The following GLT8D2 variants were observed in gnomAD, a reference collection of about 807,000 sequenced individuals.
GLT8D2 encodes the protein glycosyltransferase 8 domain-containing protein 2.
Under a neutral mutation model 44.5 loss-of-function variants are expected in GLT8D2, and 45 were observed. The ratio of observed to expected loss-of-function variants is 1.01; its 90% CI spans 0.80 to 1.30. The LOEUF is 1.30. Among genes scored for constraint, GLT8D2 ranks in the 50% most tolerant of loss-of-function variants. GLT8D2 has a pLI of 0.00. For missense variants in GLT8D2, 400 were observed against 430.4 expected, an observed-to-expected ratio of 0.93 and a Z score of 0.62; for synonymous variants, 156 against 157.2, an observed-to-expected ratio of 0.99 and a Z score of 0.06.
chr12:103,989,848 A>G (rs1395269050), intron 10 of GLT8D2, among the ~76,000 whole-genome samples: 1 of 152,038 alleles, frequency 6.6e-6, no homozygotes, highest in African/African-American at 2.4e-5. Flanking sequence ...TTGCCTTTAA[A>G]AAAAAATTAT....
chr12:104,003,255 A>G lies in GLT8D2; in HGVS notation c.164T>C (p.Ile55Thr). ...ACCCATCCTCCCTGCTGCAGCACAA[A>G]TCACCACAGGAATCTCTTCTTCCAG... ...EELEEEIPVV[I>T]CAAAGRMGAT... is the part of the protein sequence containing the mutation. The change falls in exon 5 of 11, where the codon ATT becomes ACT. Residue 55 changes from isoleucine to threonine, a missense_variant. Transcript: ENST00000360814. The G allele has an allele frequency of 6.2e-7, 1 of 1,614,124 alleles. No homozygotes were observed. Among genetic ancestry groups the G allele is most frequent in the Non-Finnish European group, 8.5e-7 (1 of 1,180,004 alleles).
At chr12:104,027,899 T>C (rs913322208) in intron 1 of GLT8D2, among the ~76,000 whole-genome samples, 3 of 152,186 alleles carry the variant, frequency 2.0e-5, no homozygotes, top group Non-Finnish European at 4.4e-5. Flanking sequence ...GTTAGGAGAA[T>C]TGGGGTCCAG....
rs1879992406 is a variant in GLT8D2 at position 104,037,035 on chromosome 12, A to AAACCG, written c.-164+12855_-164+12859dup. On this transcript the variant is annotated intron_variant, in intron 1 of 10. Transcript: ENST00000360814. ...CACTCAAAACCGCACAACTACATGG[A>AAACCG]AACCGAACAACCTGCTCCTGAAGGA... 2.6e-5 allele frequency among the ~76,000 whole-genome samples: 4 copies of AAACCG among 152,336 alleles called. No individual in the cohort carries two copies. The South Asian group carries it at 8.3e-4, about 32-fold the overall frequency.
In GLT8D2 at chr12:104,003,134, C is replaced by A. The variant is rs750427192; in HGVS notation, c.284+1G>T. 6.2e-7 allele frequency: 1 copy of A among 1,612,992 alleles called. No individual in the cohort carries two copies. The highest frequency in any genetic ancestry group is 8.5e-7 in the Non-Finnish European group (1 of 1,179,166). ...GCCAAAGTCTGTAAGACATAACTTA[C>A]CGTATTCGAGTCAGAGTATTCCGGA... On this transcript the variant is annotated splice_donor_variant, in intron 5 of 10. Transcript: ENST00000360814. LOFTEE classifies it high-confidence loss of function.
chr12:103,994,415 A>T lies in GLT8D2; in HGVS notation c.687T>A (p.Gly229=). Reference sequence around the variant, plus strand: ...ATTCTGTCATGTTGGCAACAATCACACCAGGATTGAAAGAGCAGGTGCTGG... The same window carrying T: ...ATTCTGTCATGTTGGCAACAATCACTCCAGGATTGAAAGAGCAGGTGCTGG... ...ISPSTCSFNP[G]VIVANMTEWK... is the part of the protein sequence containing the mutation. Residue 229 remains glycine, a synonymous_variant, in exon 9 of 11, where the codon GGT becomes GGA. Transcript: ENST00000360814. 4.3e-6 allele frequency: 7 copies of T among 1,614,088 alleles called. No homozygotes were observed. The highest frequency in any genetic ancestry group is 5.9e-6 in the Non-Finnish European group (7 of 1,179,976).
intron 1 of GLT8D2, among the ~76,000 whole-genome samples, chr12:104,056,097 C>A (rs1882164831): frequency 6.6e-6 from 1 of 152,216 alleles, no homozygotes; most frequent in African/African-American, 2.4e-5. Context: ...GCCCAGTTCC[C>A]TGTTCTGGCA....
chr12:104,048,718 C>T (rs924276057), intron 1 of GLT8D2, among the ~76,000 whole-genome samples: 1 of 152,180 alleles, frequency 6.6e-6, no homozygotes, highest in African/African-American at 2.4e-5. Flanking sequence ...GAACCATGGT[C>T]AAAAGCAGAG....
In GLT8D2 at chr12:104,034,587, G is replaced by A. The variant is rs560778052; in HGVS notation, c.-163-13096C>T. ...CTGCGAGGCAGCAGCCTGGCAGGTG[G>A]AAGGGCGTCCACCATTGCTGAGGTT... On this transcript the variant is annotated intron_variant, in intron 1 of 10. Coordinates refer to ENST00000360814, the MANE Select transcript of GLT8D2 (RefSeq NM_001384711.1). Among the ~76,000 whole-genome samples the A allele has an allele frequency of 5.2e-5, 8 of 152,402 alleles. No homozygotes were observed. The East Asian group carries it at 1.5e-3, about 29-fold the overall frequency.
chr12:104,051,533 A>T (rs1246198137), upstream of GLT8D2, among the ~76,000 whole-genome samples: 1 of 152,210 alleles, frequency 6.6e-6, no homozygotes, highest in Admixed American at 6.5e-5. Context: ...TATACAATGT[A>T]TAGTGATCAG....
chr12:103,993,433 T>C lies in GLT8D2; in HGVS notation c.839A>G (p.Lys280Arg). The C allele has an allele frequency of 6.2e-7, 1 of 1,614,092 alleles. No homozygotes were observed. ...CCACAGGGGGTTAATTGTGGAATAT[T>C]TCCCATGAAACACAATCAGCATTGG... ...TSPMLIVFHG[K>R]YSTINPLWHI... Residue 280 changes from lysine to arginine, a missense_variant, in exon 10 of 11, where the codon AAA (lysine) becomes AGA (arginine). Physicochemically the swap from Lys to Arg is conservative, Grantham distance 26. Coordinates refer to ENST00000360814, the MANE Select transcript of GLT8D2 (RefSeq NM_001384711.1).
At chr12:104,002,559 A>C (rs1874362637) in intron 5 of GLT8D2, among the ~76,000 whole-genome samples, 1 of 152,192 alleles carries the variant, frequency 6.6e-6, no homozygotes, top group Non-Finnish European at 1.5e-5. Context: ...AGATTTTACA[A>C]TTATCTTTCA....
chr12:104,015,174 T>C, intron 3 of GLT8D2, 69 bp from the exon 4 acceptor site: 1 of 1,211,320 alleles, frequency 8.3e-7, no homozygotes, highest in Non-Finnish European at 1.2e-6. Context: ...AAGTTTAGAA[T>C]GGTAGTGCGA....
intron 1 of GLT8D2, among the ~76,000 whole-genome samples, chr12:104,040,526 C>T (rs375730220): frequency 7.3e-5 from 11 of 150,800 alleles, no homozygotes; most frequent in African/African-American, 2.2e-4. Context: ...CCCGGGTTTA[C>T]GCGATTCTCC....
At chr12:104,024,102 C>T (rs1878254369) in intron 1 of GLT8D2, among the ~76,000 whole-genome samples, 1 of 152,182 alleles carries the variant, frequency 6.6e-6, no homozygotes, top group South Asian at 2.1e-4. Context: ...CCAATCTAGG[C>T]TGGCTGCCGT....
intron 1 of GLT8D2, among the ~76,000 whole-genome samples, chr12:104,061,927 T>C (rs910562010): frequency 1.4e-5 from 2 of 139,170 alleles, no homozygotes; most frequent in Non-Finnish European, 3.1e-5. Context: ...AGTGAGCCAA[T>C]ATCGGCGCCA....
chr12:104,017,589 C>T (rs1436482419), intron 3 of GLT8D2, among the ~76,000 whole-genome samples: 1 of 152,166 alleles, frequency 6.6e-6, no homozygotes, highest in African/African-American at 2.4e-5. Flanking sequence ...TCCCAAAGTG[C>T]TGGAATTACA....
intron 1 of GLT8D2, among the ~76,000 whole-genome samples, chr12:104,035,170 C>G (rs1879789278): frequency 6.6e-6 from 1 of 152,212 alleles, no homozygotes; most frequent in Non-Finnish European, 1.5e-5. Flanking sequence ...AGGTCACCAA[C>G]ATCAAAGACC....
intron 1 of GLT8D2, 32 bp from the exon 2 acceptor site, chr12:104,021,523 G>A (rs55871448): frequency 0.088 from 13,433 of 152,346 alleles, 892 homozygotes; most frequent in East Asian, 0.3. Flanking sequence ...TTTACTGGGC[G>A]TGGTGGCTCA....
chr12:104,017,469 C>T (rs952544818), intron 3 of GLT8D2, among the ~76,000 whole-genome samples: 1 of 151,998 alleles, frequency 6.6e-6, no homozygotes, highest in Non-Finnish European at 1.5e-5. Flanking sequence ...ATTACAGGCC[C>T]CCACCACCAT....
Sources: allele counts gnomAD v4.1 joint callset (sites outside exome capture counted in the v4.1 genomes callset), GRCh38; gene constraint gnomAD v4.1.1; transcripts MANE v1.5; gene names NCBI Gene and HGNC (gene_info 2026-07-23, HGNC 2026-07-21).